The following CDCA7L variants were observed in gnomAD, a reference collection of about 807,000 sequenced individuals.
CDCA7L encodes the protein cell division cycle associated 7 like, also known as cell division cycle-associated 7-like protein.
A neutral mutation model predicts 57.4 loss-of-function variants in CDCA7L; 44 were observed. The observed-to-expected ratio is 0.77, with a 90% CI of 0.60 to 0.98. The LOEUF (loss-of-function observed/expected upper bound fraction) is 0.98, where lower values mean the gene tolerates loss of function less well. CDCA7L is among the 50% of genes least tolerant of loss of function. The pLI, the probability that CDCA7L is intolerant of heterozygous loss-of-function variation, is 0.00. For synonymous variants in CDCA7L, 236 were observed against 202.8 expected, an observed-to-expected ratio of 1.16 and a Z score of -1.39; for missense variants, 644 against 580.6, an observed-to-expected ratio of 1.11 and a Z score of -1.12.
At chr7:21,945,754 G>T in intron 1 of CDCA7L, 27 bp downstream of exon 1, 2 of 1,600,210 alleles carry the variant, frequency 1.2e-6, no homozygotes. Flanking sequence ...GGTGCGTCCG[G>T]ACGGCGGCGG....
At chr7:21,918,101 A>G (rs1422519364) in intron 1 of CDCA7L, among the ~76,000 whole-genome samples, 3 of 152,192 alleles carry the variant, frequency 2.0e-5, no homozygotes, top group African/African-American at 7.2e-5. Context: ...TATTTTTGTC[A>G]CCATTCTACA....
chr7:21,941,107 A>G (rs1786327579), intron 1 of CDCA7L, among the ~76,000 whole-genome samples: 2 of 152,204 alleles, frequency 1.3e-5, no homozygotes, highest in African/African-American at 4.8e-5. Context: ...CCTTTATGAG[A>G]TATTAAATAC....
At chr7:21,905,997 TTTC>T (rs1325469313) in intron 6 of CDCA7L, among the ~76,000 whole-genome samples, 12 of 152,152 alleles carry the variant, frequency 7.9e-5, no homozygotes, top group Non-Finnish European at 1.2e-4. Context: ...TCACTGCACT[TTTC>T]TTTATTGCCT....
rs757197630 is a variant in CDCA7L at position 21,904,382 on chromosome 7, G to A, written c.1048-123C>T. 596 of 1,024,588 alleles carry A rather than the reference G, an allele frequency of 5.8e-4. 1 individual carries two copies. The highest frequency in any genetic ancestry group is 1.8e-3 in the Middle Eastern group (8 of 4,440). 63.5% of individuals were successfully genotyped at this position (1,024,588 alleles called of 1,614,324 possible). A position where few individuals can be genotyped will look rare whatever the true frequency, so the allele number is the denominator to read the frequency against. ...ACCCCCGTCTCCTCGAATCAAGCAG[G>A]ACTGTTTTCCTAAGAACCACAGCAT... On this transcript the variant is annotated intron_variant, in intron 7 of 9. Coordinates refer to ENST00000406877, the MANE Select transcript of CDCA7L (RefSeq NM_018719.5).
At chr7:21,933,416 A>G (rs1786075140) in intron 1 of CDCA7L, among the ~76,000 whole-genome samples, 1 of 152,224 alleles carries the variant, frequency 6.6e-6, no homozygotes, top group Admixed American at 6.5e-5. Context: ...CCCATCAATG[A>G]TAGACTGGAT....
rs1484533496 is a variant in CDCA7L at position 21,902,961 on chromosome 7, G to T, written c.1334+17C>A. ...AAGATTTCAAGCTGTTTTGTAAGCT[G>T]CTAGAGACTTACTTACCTCTCCAGA... On this transcript the variant is annotated intron_variant, in intron 9 of 9. Transcript: ENST00000406877. 4.3e-6 allele frequency: 7 copies of T among 1,611,288 alleles called. No individual in the cohort carries two copies. The highest frequency in any genetic ancestry group is 5.9e-6 in the Non-Finnish European group (7 of 1,178,198).
intron 1 of CDCA7L, among the ~76,000 whole-genome samples, chr7:21,933,920 A>G (rs953476774): frequency 3.9e-5 from 6 of 152,120 alleles, no homozygotes; most frequent in Non-Finnish European, 7.3e-5. Flanking sequence ...CTATCAAACA[A>G]GAATTCTCCA....
chr7:21,903,171 C>T (rs1784995885), intron 8 of CDCA7L, 57 bp from the exon 9 acceptor site: 13 of 1,554,744 alleles, frequency 8.4e-6, no homozygotes, highest in Non-Finnish European at 1.1e-5. Context: ...CTGGCAAGAA[C>T]TGGGATTCGG....
intron 2 of CDCA7L, among the ~76,000 whole-genome samples, chr7:21,914,248 G>A (rs1785415821): frequency 6.6e-6 from 1 of 152,224 alleles, no homozygotes; most frequent in Non-Finnish European, 1.5e-5. Flanking sequence ...ATACAGTCAG[G>A]TGGGGTGTTG....
intron 1 of CDCA7L, 152 bp downstream of exon 1, chr7:21,945,629 C>T (rs1786501356): frequency 1.1e-6 from 1 of 908,780 alleles, no homozygotes; most frequent in Non-Finnish European, 1.7e-6. Context: ...CTGCAGGGCG[C>T]GCCCACTCCG....
In CDCA7L at chr7:21,901,967, AAGAT is replaced by A. The variant is rs56884063; in HGVS notation, c.*351_*354del. Reference sequence around the variant, plus strand: ...GAGTGAGTTACTGTTTGGGAAGCCAAAGATAGATAGATCAAGTGCAGGAGCTGAT... The same window carrying A: ...GAGTGAGTTACTGTTTGGGAAGCCAAAGATAGATCAAGTGCAGGAGCTGAT... On this transcript the variant is annotated 3_prime_UTR_variant, in exon 10 of 10. Coordinates refer to ENST00000406877, the MANE Select transcript of CDCA7L (RefSeq NM_018719.5). The A allele has an allele frequency of 0.89, 246,632 of 277,442 alleles. 112,126 individuals are homozygous for A. Among genetic ancestry groups the A allele is most frequent in the Non-Finnish European group, 0.98 (140,899 of 143,994 alleles). The allele number at this position is 277,442 out of a possible 1,614,324, so 17.2% of individuals were successfully genotyped here. A position where few individuals can be genotyped will look rare whatever the true frequency, so the allele number is the denominator to read the frequency against.
rs774696996 is a variant in CDCA7L, at chr7:21,900,963, T to A, written c.*1359A>T. ...CAACTTACTTGATCATTATCATTAG[T>A]AGCAAGCTGCCACACAATTGCAACC... On this transcript the variant is annotated 3_prime_UTR_variant, in exon 10 of 10. Coordinates refer to ENST00000406877, the MANE Select transcript of CDCA7L (RefSeq NM_018719.5). 3.9e-6 allele frequency: 6 copies of A among 1,523,500 alleles called. No individual in the cohort carries two copies. Among genetic ancestry groups the A allele is most frequent in the Non-Finnish European group, 2.6e-6 (3 of 1,137,404 alleles). The allele number at this position is 1,523,500 out of a possible 1,614,324, so 94.4% of individuals were successfully genotyped here.
At chr7:21,903,242 A>G (rs1785000458) in intron 8 of CDCA7L, 128 bp from the exon 9 acceptor site, 1 of 852,900 alleles carries the variant, frequency 1.2e-6, no homozygotes, top group Admixed American at 2.6e-5. Context: ...CTTTCAGTCT[A>G]CGTCCCAGGG....
intron 1 of CDCA7L, among the ~76,000 whole-genome samples, chr7:21,926,198 T>C (rs1201917685): frequency 6.6e-6 from 1 of 151,836 alleles, no homozygotes; most frequent in Admixed American, 6.6e-5. Flanking sequence ...TCTGTTTTTC[T>C]ATAACTATAT....
intron 1 of CDCA7L, among the ~76,000 whole-genome samples, chr7:21,935,267 AAAT>A (rs1333831332): frequency 6.6e-6 from 1 of 152,264 alleles, no homozygotes; most frequent in Non-Finnish European, 1.5e-5. Context: ...TGTGGAAATT[AAAT>A]AACATATTCC....
At chr7:21,932,188 G>T (rs1786038520) in intron 1 of CDCA7L, among the ~76,000 whole-genome samples, 2 of 152,176 alleles carry the variant, frequency 1.3e-5, no homozygotes, top group South Asian at 2.1e-4. Context: ...CATGCTCATG[G>T]ATAGGAAGAA....
chr7:21,907,026 A>G (rs1785163535), intron 4 of CDCA7L, among the ~76,000 whole-genome samples: 1 of 152,176 alleles, frequency 6.6e-6, no homozygotes, highest in African/African-American at 2.4e-5. Flanking sequence ...CAAAAAAGAA[A>G]AAGCTCAACT....
At chr7:21,915,780 A>T (rs1464451871) in intron 2 of CDCA7L, among the ~76,000 whole-genome samples, 1 of 152,098 alleles carries the variant, frequency 6.6e-6, no homozygotes, top group African/African-American at 2.4e-5. Flanking sequence ...GTGAGCCAAG[A>T]TCATGCCACT....
rs759955989 is a variant in CDCA7L, at chr7:21,945,868, C to T, written c.-64G>A. 7.9e-5 allele frequency: 122 copies of T among 1,536,514 alleles called. 2 individuals are homozygous for T. Among genetic ancestry groups the T allele is most frequent in the Admixed American group, 3.9e-4 (19 of 49,172 alleles). ...CCACGGGAGCCCGGACTCACCACGG[C>T]CCGGCGCACCAAGAACGCCCCGCGC... On this transcript the variant is annotated 5_prime_UTR_variant, in exon 1 of 10. Coordinates refer to ENST00000406877, the MANE Select transcript of CDCA7L (RefSeq NM_018719.5).
Sources: gnomAD v4.1 joint callset for allele counts (sites outside exome capture counted in the v4.1 genomes callset) on GRCh38, gnomAD v4.1.1 for gene constraint, MANE v1.5 for transcripts, NCBI Gene and HGNC (gene_info 2026-07-23, HGNC 2026-07-21) for gene names.